The following PRMT3 variants were observed in gnomAD, a reference collection of about 807,000 sequenced individuals.
PRMT3 encodes the protein protein arginine methyltransferase 3.
In PRMT3, 62 loss-of-function variants were observed where a neutral mutation model predicts 71.9. The ratio of observed to expected loss-of-function variants is 0.86; its 90% CI spans 0.70 to 1.07. The LOEUF (loss-of-function observed/expected upper bound fraction) is 1.07. Ranked by LOEUF, PRMT3 falls within the 50% of genes least tolerant of loss-of-function variation. The pLI is 0.00. For synonymous variants in PRMT3, 213 were observed against 220.4 expected (o/e 0.97, Z 0.30); for missense variants, 663 against 643.0 (o/e 1.03, Z -0.34).
At chr11:20,482,462 G>C (rs908644615) in intron 13 of PRMT3, among the ~76,000 whole-genome samples, 1 of 152,042 alleles carries the variant, frequency 6.6e-6, no homozygotes, top group Middle Eastern at 3.2e-3. Flanking sequence ...CTGAAGTTTA[G>C]CAATAAGCAC....
At chr11:20,468,955 T>C (rs1327814939) in intron 13 of PRMT3, among the ~76,000 whole-genome samples, 13 of 152,202 alleles carry the variant, frequency 8.5e-5, no homozygotes, top group Admixed American at 8.5e-4. Context: ...ACAGACTTTA[T>C]ATTTTAGGAA....
At chr11:20,450,367 T>C (rs1850121637) in intron 10 of PRMT3, among the ~76,000 whole-genome samples, 4 of 152,120 alleles carry the variant, frequency 2.6e-5, no homozygotes, top group Non-Finnish European at 1.5e-5. Flanking sequence ...AAGCAACAGT[T>C]GAATGCCTAT....
chr11:20,464,913 G>C (rs995394793), intron 13 of PRMT3, among the ~76,000 whole-genome samples: 1 of 151,820 alleles, frequency 6.6e-6, no homozygotes, highest in Non-Finnish European at 1.5e-5. Context: ...TGTTTATTTG[G>C]TAGAATATTT....
intron 9 of PRMT3, 103 bp from the exon 10 acceptor site, chr11:20,426,663 T>G (rs959611233): frequency 8.5e-7 from 1 of 1,171,038 alleles, no homozygotes; most frequent in African/African-American, 1.6e-5. Context: ...TGAAATACTT[T>G]TTTGTCCCAC....
At chr11:20,497,018 G>C (rs1851349248) in intron 15 of PRMT3, among the ~76,000 whole-genome samples, 2 of 152,138 alleles carry the variant, frequency 1.3e-5, no homozygotes, top group Admixed American at 6.5e-5. Context: ...CTGGTATTTG[G>C]ATTGATGTTT....
In PRMT3 at chr11:20,495,051, G is replaced by A. The variant is rs181104420; in HGVS notation, c.1486+797G>A. 5.5e-3 allele frequency among the ~76,000 whole-genome samples: 835 copies of A among 151,920 alleles called. 3 individuals are homozygous for A. Among genetic ancestry groups the A allele is most frequent in the Non-Finnish European group, 9.6e-3 (655 of 67,952 alleles). On this transcript the variant is annotated intron_variant, in intron 15 of 15. Transcript: ENST00000331079. ...GGTTTTGTTTTTTCTTTTTTGAGACGGAGTTCCACTCTTGTTGCCCAGACT... is the reference window on the plus strand; with the variant it reads ...GGTTTTGTTTTTTCTTTTTTGAGACAGAGTTCCACTCTTGTTGCCCAGACT...
intron 13 of PRMT3, among the ~76,000 whole-genome samples, chr11:20,470,388 C>T (rs931881431): frequency 6.6e-6 from 1 of 152,124 alleles, no homozygotes. Context: ...TTCCCTCAAC[C>T]TCCTCCCTCT....
At chr11:20,496,691 CTGAT>C (rs1453439503) in intron 15 of PRMT3, among the ~76,000 whole-genome samples, 2 of 151,988 alleles carry the variant, frequency 1.3e-5, no homozygotes, top group African/African-American at 4.8e-5. Context: ...TGGAGGAACT[CTGAT>C]AGATTTTACA....
At chr11:20,395,749 A>C in intron 5 of PRMT3, 54 bp from the exon 6 acceptor site, 1 of 1,523,944 alleles carries the variant, frequency 6.6e-7, no homozygotes, top group East Asian at 2.3e-5. Flanking sequence ...ACATATTTAT[A>C]CTTGTTTTAT....
chr11:20,465,908 G>A (rs2133407691), intron 13 of PRMT3, among the ~76,000 whole-genome samples: 1 of 152,076 alleles, frequency 6.6e-6, no homozygotes, highest in African/African-American at 2.4e-5. Flanking sequence ...ATACATGAGG[G>A]TTGAAAAAAG....
chr11:20,441,216 A>G (rs1849887728), intron 10 of PRMT3, among the ~76,000 whole-genome samples: 1 of 151,650 alleles, frequency 6.6e-6, no homozygotes, highest in South Asian at 2.1e-4. Flanking sequence ...GGAAAATGAT[A>G]TGTAGAGATC....
At chr11:20,481,513 G>A (rs1043646513) in intron 13 of PRMT3, among the ~76,000 whole-genome samples, 2 of 152,044 alleles carry the variant, frequency 1.3e-5, no homozygotes, top group African/African-American at 2.4e-5. Context: ...CCAAAGAAAT[G>A]GTGATTTGTA....
At chr11:20,447,040 A>T (rs1269977256) in intron 10 of PRMT3, among the ~76,000 whole-genome samples, 2 of 152,178 alleles carry the variant, frequency 1.3e-5, no homozygotes, top group Admixed American at 1.3e-4. Flanking sequence ...GGAAGGGTCA[A>T]GTGATAGACT....
chr11:20,433,703 C>G (rs781332233), intron 10 of PRMT3, among the ~76,000 whole-genome samples: 5 of 152,068 alleles, frequency 3.3e-5, no homozygotes, highest in Non-Finnish European at 7.4e-5. Context: ...TCACTGCAAC[C>G]TCCACCCCCC....
chr11:20,422,780 C>T (rs757863469), intron 9 of PRMT3, among the ~76,000 whole-genome samples: 3 of 152,312 alleles, frequency 2.0e-5, no homozygotes, highest in East Asian at 1.9e-4. Context: ...GTCAGACACA[C>T]GTGAACCTAA....
chr11:20,449,667 C>A (rs992741826), intron 10 of PRMT3, among the ~76,000 whole-genome samples: 8 of 152,090 alleles, frequency 5.3e-5, no homozygotes, highest in African/African-American at 1.9e-4. Flanking sequence ...TAACGATTAT[C>A]ACCACCATTA....
chr11:20,446,740 T>C (rs949855689), intron 10 of PRMT3, among the ~76,000 whole-genome samples: 4 of 152,184 alleles, frequency 2.6e-5, no homozygotes, highest in African/African-American at 9.7e-5. Flanking sequence ...CATTAAACAT[T>C]GTACAAAGAT....
Position 20,392,978 on chromosome 11 carries a change from G to A in PRMT3, c.379G>A (p.Asp127Asn). The A allele has an allele frequency of 6.2e-7, 1 of 1,601,496 alleles. No individual in the cohort carries two copies. The highest frequency in any genetic ancestry group is 8.6e-7 in the Non-Finnish European group (1 of 1,168,708). ...AGAGTATTTGAAGCCAGTATTAGAAGATGACCTTTTACTTCAATTTGGTAA... is the reference window on the plus strand; with the variant it reads ...AGAGTATTTGAAGCCAGTATTAGAAAATGACCTTTTACTTCAATTTGGTAA... The part of the protein sequence containing the change: ...KEEYLKPVLE[D>N]DLLLQFDVED... The change falls in exon 5 of 16, where the codon GAT (aspartate) becomes AAT (asparagine). Residue 127 changes from aspartate to asparagine, a missense_variant. Coordinates refer to ENST00000331079, the MANE Select transcript of PRMT3 (RefSeq NM_005788.4).
Position 20,403,136 on chromosome 11 carries a change from T to TA in PRMT3, c.771+153dup, listed in dbSNP as rs1266729465. The TA allele has an allele frequency of 8.8e-6, 5 of 570,282 alleles. No individual in the cohort carries two copies. The African/African-American group carries it at 9.4e-5, about 11-fold the overall frequency. 35.3% of individuals were successfully genotyped at this position (570,282 alleles called of 1,614,324 possible). On this transcript the variant is annotated intron_variant, in intron 8 of 15. Coordinates refer to ENST00000331079, the MANE Select transcript of PRMT3 (RefSeq NM_005788.4). ...TATGATGCTGCTCTGTGGTGCAGAGTACCAATAACAAATGCTGATTGCTGC... is the reference window on the plus strand; with the variant it reads ...TATGATGCTGCTCTGTGGTGCAGAGTAACCAATAACAAATGCTGATTGCTGC...
Sources: allele counts gnomAD v4.1 joint callset (sites outside exome capture counted in the v4.1 genomes callset), GRCh38; gene constraint gnomAD v4.1.1; transcripts MANE v1.5; gene names NCBI Gene and HGNC (gene_info 2026-07-23, HGNC 2026-07-21).